The following REXO1 variants were observed in gnomAD, a reference collection of about 807,000 sequenced individuals.
REXO1 encodes the protein REX1, RNA exonuclease 1 homolog.
REXO1 carries 42 observed loss-of-function variants against 102.6 expected under a neutral mutation model. That is an observed-to-expected ratio of 0.41 (90% CI 0.32 to 0.53). The LOEUF (loss-of-function observed/expected upper bound fraction) is 0.53, where lower values mean the gene tolerates loss of function less well. REXO1 is among the 20% of genes least tolerant of loss of function. REXO1 has a pLI of 0.27. For missense variants in REXO1, 1,819 were observed against 1,732.5 expected, an observed-to-expected ratio of 1.05 and a Z score of -0.89; for synonymous variants, 908 against 779.1, an observed-to-expected ratio of 1.17 and a Z score of -2.76.
chr19:1,844,633 C>T (rs34918182), intron 1 of REXO1, among the ~76,000 whole-genome samples: 208 of 152,316 alleles, frequency 1.4e-3, no homozygotes, highest in Non-Finnish European at 2.4e-3. Context: ...TCTGGAGAGT[C>T]GCCTGGAGCC....
At chr19:1,844,762 G>A (rs759239775) in intron 1 of REXO1, among the ~76,000 whole-genome samples, 13 of 152,230 alleles carry the variant, frequency 8.5e-5, no homozygotes, top group Non-Finnish European at 1.6e-4. Flanking sequence ...CACGTCTGCC[G>A]CTCACTTTGC....
At position 1,843,746 on chromosome 19, in the gene REXO1, A is replaced by T. The variant is rs557889534; in HGVS notation, c.157+4456T>A. On this transcript the variant is annotated intron_variant, in intron 1 of 15. Coordinates refer to ENST00000170168, the MANE Select transcript of REXO1 (RefSeq NM_020695.4). The stretch of plus-strand genomic sequence containing the variant: ...CGGCTCACTGAGGATGAAAAGTCGG[A>T]CCGAGGAGAGCACACACTGTCACGT... Among the ~76,000 whole-genome samples the T allele has an allele frequency of 2.6e-5, 4 of 152,318 alleles. No homozygotes were observed. The East Asian group carries it at 7.7e-4, about 29-fold the overall frequency.
At position 1,827,520 on chromosome 19, in the gene REXO1, G is replaced by A; in HGVS notation, c.1269C>T (p.Pro423=). 1 of 1,583,468 alleles carries A rather than the reference G, an allele frequency of 6.3e-7. No individual in the cohort carries two copies. The highest frequency in any genetic ancestry group is 1.1e-5 in the South Asian group (1 of 86,976). The stretch of plus-strand genomic sequence containing the variant: ...CTTCCGGCCGCTCTGCCTTGCGCCG[G>A]GGGCTGCTGGCCTGCGGGCCCTTCT... ...ADKKGPQASS[P]RRKAERPEGT... The change falls in exon 2 of 16, where the codon CCC becomes CCT. Residue 423 remains proline, a synonymous_variant. Coordinates refer to ENST00000170168, the MANE Select transcript of REXO1 (RefSeq NM_020695.4).
At position 1,817,791 on chromosome 19, in the gene REXO1, CACAG is replaced by C. The variant is rs2069414603; in HGVS notation, c.3017-15_3017-12del. 1 of 1,609,640 alleles carries C rather than the reference CACAG, an allele frequency of 6.2e-7. No individual in the cohort carries two copies. The highest frequency in any genetic ancestry group is 1.3e-5 in the African/African-American group (1 of 74,896). On this transcript the variant is annotated splice_polypyrimidine_tract_variant and intron_variant, in intron 10 of 15. Coordinates refer to ENST00000170168, the MANE Select transcript of REXO1 (RefSeq NM_020695.4). ...CCCAGCCTCCGGCCACTGCAGGGGA[CACAG>C]ACACACAGTCAGGGCCCGGCCAGGC... is the stretch of plus-strand genomic sequence containing the variant.
Position 1,848,385 on chromosome 19 carries a change from C to G in REXO1, c.-27G>C. On this transcript the variant is annotated 5_prime_UTR_variant, in exon 1 of 16. Transcript: ENST00000170168. ...GTCCGTCCCGCGGCGGGGCCCCGGCCCGGAGCCGCCCGGGCCCCAGGGCCC... is the reference window on the plus strand; with the variant it reads ...GTCCGTCCCGCGGCGGGGCCCCGGCGCGGAGCCGCCCGGGCCCCAGGGCCC... The G allele has an allele frequency of 1.7e-6, 2 of 1,191,392 alleles. No homozygotes were observed. Among genetic ancestry groups the G allele is most frequent in the Non-Finnish European group, 1.0e-6 (1 of 957,060 alleles). The allele number at this position is 1,191,392 out of a possible 1,614,324, so 73.8% of individuals were successfully genotyped here. A position where few individuals can be genotyped will look rare whatever the true frequency, so the allele number is the denominator to read the frequency against.
At position 1,825,880 on chromosome 19, in the gene REXO1, G is replaced by T; in HGVS notation, c.1975C>A (p.Gln659Lys). The T allele has an allele frequency of 6.2e-7, 1 of 1,613,088 alleles. No individual in the cohort carries two copies. The highest frequency in any genetic ancestry group is 8.5e-7 in the Non-Finnish European group (1 of 1,179,804). ...GAAAGGTGGGAGATCCTCCTCTTCTGCCCGGGGAACAGAGTGGTCAGACCC... is the reference window on the plus strand; with the variant it reads ...GAAAGGTGGGAGATCCTCCTCTTCTTCCCGGGGAACAGAGTGGTCAGACCC... ...LSGLTTLFPG[Q>K]KRRISHLSKQ... The change falls in exon 3 of 16, where the codon CAG becomes AAG. Residue 659 changes from glutamine to lysine, a missense_variant. Gln to Lys is a moderately conservative substitution (Grantham distance 53, BLOSUM62 1). Coordinates refer to ENST00000170168, the MANE Select transcript of REXO1 (RefSeq NM_020695.4).
At chr19:1,834,593 T>C (rs1055552859) in intron 1 of REXO1, among the ~76,000 whole-genome samples, 15 of 152,156 alleles carry the variant, frequency 9.9e-5, no homozygotes, top group Admixed American at 6.5e-4. Context: ...CTTTTCTTTT[T>C]TTGGTAGAGA....
rs1299793247 is a variant in REXO1, at chr19:1,815,953, G to A, written c.*113C>T. ...CCGCCAGCTCATCCCGCTGCTCTGG[G>A]CTGCCTCGGCCAGGTGGACGGGTTA... On this transcript the variant is annotated 3_prime_UTR_variant, in exon 16 of 16. Transcript: ENST00000170168. This position sits in a 1 kb window ranked among gnomAD's most constrained non-coding sequence, Gnocchi z 4.0. The A allele has an allele frequency of 6.5e-7, 1 of 1,535,206 alleles. No homozygotes were observed. The highest frequency in any genetic ancestry group is 1.2e-5 in the South Asian group (1 of 83,932).
At chr19:1,823,848 G>T in intron 3 of REXO1, 63 bp from the exon 4 acceptor site, 1 of 763,628 alleles carries the variant, frequency 1.3e-6, no homozygotes, top group Non-Finnish European at 1.8e-6. Flanking sequence ...AGGCGACCCC[G>T]GGCAGGCTTG....
chr19:1,831,521 C>T (rs188323067), intron 1 of REXO1, among the ~76,000 whole-genome samples: 12 of 152,208 alleles, frequency 7.9e-5, no homozygotes, highest in Non-Finnish European at 1.5e-4. Flanking sequence ...CCCACACCCC[C>T]TCAAGCCCCA....
At position 1,818,704 on chromosome 19, in the gene REXO1, A is replaced by T; in HGVS notation, c.2902+2T>A. ...CTAGGCCGTCGCAGGCCAGCGACTC[A>T]CAGTCCTTGGGCCTCTTCTCCTCAG... On this transcript the variant is annotated splice_donor_variant, in intron 9 of 15. Transcript: ENST00000170168. LOFTEE classifies it high-confidence loss of function. 1 of 1,610,898 alleles carries T rather than the reference A, an allele frequency of 6.2e-7. No individual in the cohort carries two copies. The highest frequency in any genetic ancestry group is 8.5e-7 in the Non-Finnish European group (1 of 1,179,782).
At chr19:1,848,072 G>C (rs1461317378) in intron 1 of REXO1, 130 bp downstream of exon 1, 3 of 439,690 alleles carry the variant, frequency 6.8e-6, no homozygotes, top group Non-Finnish European at 1.1e-5. Flanking sequence ...GTCCCGACTG[G>C]GAAAACCGTC....
chr19:1,822,344 G>A (rs567793724), intron 4 of REXO1: 102 of 155,100 alleles, frequency 6.6e-4, no homozygotes, highest in Middle Eastern at 6.6e-3. Context: ...ATGCTACCGC[G>A]GGCCGCCCAG....
intron 8 of REXO1, 85 bp downstream of exon 8, chr19:1,818,933 C>CCA: frequency 6.4e-7 from 1 of 1,571,360 alleles, no homozygotes; most frequent in Non-Finnish European, 8.6e-7. Flanking sequence ...CGGCAGGGGC[C>CCA]CACGAAGCAC....
intron 1 of REXO1, among the ~76,000 whole-genome samples, chr19:1,841,717 G>GGGGGAGCGCTCT (rs897663018): frequency 2.0e-5 from 3 of 152,034 alleles, no homozygotes; most frequent in East Asian, 3.9e-4. Context: ...CAGGGCTCTG[G>GGGGGAGCGCTCT]GGGGAGCGCT....
chr19:1,833,639 A>G (rs1159868153), intron 1 of REXO1, among the ~76,000 whole-genome samples: 1 of 152,172 alleles, frequency 6.6e-6, no homozygotes, highest in African/African-American at 2.4e-5. Context: ...GGAGGCCAGC[A>G]GCAGCTCAAG....
intron 1 of REXO1, among the ~76,000 whole-genome samples, chr19:1,847,447 G>C (rs754108003): frequency 1.3e-5 from 2 of 151,858 alleles, no homozygotes; most frequent in Admixed American, 6.6e-5. Context: ...AGGTAACAGG[G>C]GAGTCTGAAT....
chr19:1,843,249 T>C (rs1236495932), intron 1 of REXO1, among the ~76,000 whole-genome samples: 1 of 137,102 alleles, frequency 7.3e-6, no homozygotes, highest in Non-Finnish European at 1.5e-5. Context: ...TGGGCAAAGC[T>C]TCAACCCCCC....
chr19:1,841,220 T>C (rs577011328), intron 1 of REXO1, among the ~76,000 whole-genome samples: 2 of 152,316 alleles, frequency 1.3e-5, no homozygotes, highest in South Asian at 4.1e-4. Flanking sequence ...GTTTATTTTC[T>C]TTTCAGGTTT....
Sources: gnomAD v4.1 joint callset for allele counts (sites outside exome capture counted in the v4.1 genomes callset) on GRCh38, gnomAD v4.1.1 for gene constraint, Gnocchi (gnomAD v3.1) non-coding constraint, MANE v1.5 for transcripts, NCBI Gene and HGNC (gene_info 2026-07-23, HGNC 2026-07-21) for gene names.